WDR27: variants seen among roughly 807,000 people sequenced by gnomAD.
The protein encoded by WDR27 is WD repeat-containing protein 27.
Under a neutral mutation model 114.4 loss-of-function variants are expected in WDR27, and 100 were observed. The observed-to-expected ratio is 0.87, with a 90% CI of 0.74 to 1.03. The LOEUF (loss-of-function observed/expected upper bound fraction) is 1.03, where lower values mean the gene tolerates loss of function less well. Ranked by LOEUF, WDR27 falls within the 50% of genes least tolerant of loss-of-function variation. WDR27 has a pLI of 0.00. For synonymous variants in WDR27, 449 were observed against 423.1 expected (o/e 1.06, Z -0.75); for missense variants, 1,129 against 1,092.9 (o/e 1.03, Z -0.47).
chr6:169,659,678 T>C lies in WDR27; in HGVS notation c.1130-160A>G, dbSNP rs1825439520. Among the ~76,000 whole-genome samples, 2 of 151,314 alleles carry C rather than the reference T, an allele frequency of 1.3e-5. No individual in the cohort carries two copies. The highest frequency in any genetic ancestry group is 4.2e-4 in the South Asian group (2 of 4,776). On this transcript the variant is annotated intron_variant, in intron 10 of 25. Coordinates refer to ENST00000448612, the MANE Select transcript of WDR27 (RefSeq NM_182552.5). This position sits in a 1 kb window ranked among gnomAD's most constrained non-coding sequence, Gnocchi z 4.3. The stretch of plus-strand genomic sequence containing the variant: ...AGGCTGTGCACCACATCCTCACACA[T>C]ACAAGGCCCCAGGCCACACACACAC...
intron 4 of WDR27, 67 bp downstream of exon 4, chr6:169,670,502 G>T: frequency 6.3e-7 from 1 of 1,598,016 alleles, no homozygotes. Context: ...GCTGGGCAAG[G>T]TCCCAGAACC....
At chr6:169,689,221 G>A (rs150267336) in intron 1 of WDR27, 24 of 400,548 alleles carry the variant, frequency 6.0e-5, no homozygotes, top group East Asian at 3.3e-4. Context: ...TTCTTCTCAC[G>A]GGCTTTCCAG....
chr6:169,655,634 C>T (rs1404032366), intron 13 of WDR27, among the ~76,000 whole-genome samples: 4 of 152,212 alleles, frequency 2.6e-5, no homozygotes, highest in Non-Finnish European at 4.4e-5. Flanking sequence ...AAAGACTTCT[C>T]GGTGCCTCTT....
chr6:169,700,437 A>G, intron 1 of WDR27, among the ~76,000 whole-genome samples: 1 of 152,204 alleles, frequency 6.6e-6, no homozygotes. Flanking sequence ...CCTTCTAGAC[A>G]CAGAACTAAA....
chr6:169,580,227 A>T (rs1397458964), intron 24 of WDR27, among the ~76,000 whole-genome samples: 1 of 152,270 alleles, frequency 6.6e-6, no homozygotes, highest in Non-Finnish European at 1.5e-5. Flanking sequence ...CAGCACCCTC[A>T]TATACCGCTA....
At chr6:169,698,105 G>A (rs775746039) in intron 1 of WDR27, among the ~76,000 whole-genome samples, 23 of 152,158 alleles carry the variant, frequency 1.5e-4, no homozygotes, top group Non-Finnish European at 3.4e-4. Context: ...AGCCTTGTCA[G>A]GACACATAAG....
intron 8 of WDR27, chr6:169,663,796 A>AG: frequency 4.7e-6 from 1 of 212,978 alleles, no homozygotes; most frequent in Non-Finnish European, 9.3e-6. Context: ...GGGGACGTGG[A>AG]GGGTGCTGGG....
intron 21 of WDR27, among the ~76,000 whole-genome samples, chr6:169,631,722 G>A (rs1816447805): frequency 6.6e-6 from 1 of 152,180 alleles, no homozygotes; most frequent in South Asian, 2.1e-4. Flanking sequence ...AAGTCTTCCT[G>A]TGGCCCTGAC....
intron 25 of WDR27, among the ~76,000 whole-genome samples, chr6:169,480,462 A>C (rs978880844): frequency 6.6e-6 from 1 of 152,238 alleles, no homozygotes; most frequent in African/African-American, 2.4e-5. Flanking sequence ...GCTCTGCCTA[A>C]GGCCCCAGAG....
intron 7 of WDR27, chr6:169,665,228 A>C (rs537644863): frequency 8.2e-6 from 10 of 1,219,500 alleles, no homozygotes; most frequent in Non-Finnish European, 1.0e-5. Context: ...AGTGGCCCTC[A>C]CTTTTGCTGC....
intron 21 of WDR27, among the ~76,000 whole-genome samples, chr6:169,627,567 G>A (rs1385180930): frequency 3.3e-5 from 5 of 152,198 alleles, no homozygotes; most frequent in African/African-American, 1.2e-4. Context: ...CACCATGCCT[G>A]CTGTCCTGAG....
chr6:169,658,228 G>A (rs749447709), intron 13 of WDR27, 48 bp downstream of exon 13: 4 of 1,446,032 alleles, frequency 2.8e-6, no homozygotes, highest in Non-Finnish European at 1.9e-6. Flanking sequence ...ACCACAATGA[G>A]AACGCATCAG....
At chr6:169,493,396 C>T (rs11962928) in intron 25 of WDR27, among the ~76,000 whole-genome samples, 6,533 of 152,090 alleles carry the variant, frequency 0.043, 405 homozygotes, top group African/African-American at 0.13. Context: ...TATTTGCCAA[C>T]GAAAAAAGTT....
chr6:169,546,207 C>T (rs886819050), intron 25 of WDR27, among the ~76,000 whole-genome samples: 8 of 152,226 alleles, frequency 5.3e-5, no homozygotes, highest in Non-Finnish European at 8.8e-5. Flanking sequence ...TCACTCTGAA[C>T]ACAACTCAGT....
chr6:169,499,601 C>T (rs779571776), intron 25 of WDR27, among the ~76,000 whole-genome samples: 1 of 152,320 alleles, frequency 6.6e-6, no homozygotes, highest in East Asian at 1.9e-4. Context: ...AGAAGACAGT[C>T]GCTTCCCGCA....
At chr6:169,629,870 T>C (rs1266197883) in intron 21 of WDR27, among the ~76,000 whole-genome samples, 1 of 136,004 alleles carries the variant, frequency 7.4e-6, no homozygotes, top group African/African-American at 2.8e-5. Flanking sequence ...GAGCTTGCAG[T>C]GAGCCGAGAT....
At chr6:169,497,676 G>C (rs1271176991) in intron 25 of WDR27, among the ~76,000 whole-genome samples, 2 of 152,020 alleles carry the variant, frequency 1.3e-5, no homozygotes, top group East Asian at 3.9e-4. Context: ...AATCATTTGG[G>C]AAACGCAAAA....
In WDR27 at chr6:169,602,209, C is replaced by A; in HGVS notation, c.2424+10G>T. The stretch of plus-strand genomic sequence containing the variant: ...CTCTCTACATTTATAGACAGTCAAA[C>A]AGTACATACGTGTCTGTCCTCGGCC... On this transcript the variant is annotated intron_variant, in intron 23 of 25. Coordinates refer to ENST00000448612, the MANE Select transcript of WDR27 (RefSeq NM_182552.5). 1 of 1,524,332 alleles carries A rather than the reference C, an allele frequency of 6.6e-7. No homozygotes were observed. Among genetic ancestry groups the A allele is most frequent in the Non-Finnish European group, 8.9e-7 (1 of 1,124,734 alleles). 94.4% of individuals were successfully genotyped at this position (1,524,332 alleles called of 1,614,324 possible). A position where few individuals can be genotyped will look rare whatever the true frequency, so the allele number is the denominator to read the frequency against.
intron 23 of WDR27, among the ~76,000 whole-genome samples, chr6:169,583,538 CACAT>C (rs1803973813): frequency 3.4e-5 from 5 of 145,078 alleles, no homozygotes; most frequent in African/African-American, 1.0e-4. Context: ...CACACACACA[CACAT>C]AAAATTCTGG....
Sources: allele counts gnomAD v4.1 joint callset (sites outside exome capture counted in the v4.1 genomes callset), GRCh38; gene constraint gnomAD v4.1.1; non-coding constraint Gnocchi (gnomAD v3.1); transcripts MANE v1.5; gene names NCBI Gene and HGNC (gene_info 2026-07-23, HGNC 2026-07-21).